The following ZNF407 variants were observed in gnomAD, a reference collection of about 807,000 sequenced individuals.
ZNF407 encodes zinc finger protein 407.
Under a neutral mutation model 131.2 loss-of-function variants are expected in ZNF407, and 17 were observed. The ratio of observed to expected loss-of-function variants is 0.13; its 90% confidence interval spans 0.09 to 0.19. ZNF407 has a LOEUF of 0.19. ZNF407 is among the 10% of genes least tolerant of loss of function. ZNF407 has a pLI of 1.00. For missense variants in ZNF407, 2,681 were observed against 2,830.6 expected (o/e 0.95, Z 1.20); for synonymous variants, 1,156 against 1,062.0 (o/e 1.09, Z -1.72).
intron 4 of ZNF407, among the ~76,000 whole-genome samples, chr18:74,869,268 C>G (rs1426015): frequency 6.6e-6 from 1 of 152,080 alleles, no homozygotes; most frequent in South Asian, 2.1e-4. Context: ...TTTACCTAAC[C>G]TGAAGCAATA....
At chr18:74,707,889 A>C (rs1385047153) in intron 3 of ZNF407, among the ~76,000 whole-genome samples, 1 of 152,226 alleles carries the variant, frequency 6.6e-6, no homozygotes, top group Non-Finnish European at 1.5e-5. Flanking sequence ...AATTTTAGTG[A>C]TGTAAATTAT....
chr18:74,902,329 G>A (rs1181647058), intron 7 of ZNF407, among the ~76,000 whole-genome samples: 2 of 152,210 alleles, frequency 1.3e-5, no homozygotes, highest in African/African-American at 4.8e-5. Flanking sequence ...TCGAGTCCTT[G>A]TCACTCGTGG....
In ZNF407 at chr18:74,631,207, T is replaced by C. The variant is rs1984050764; in HGVS notation, c.188T>C (p.Val63Ala). The C allele has an allele frequency of 6.2e-7, 1 of 1,613,876 alleles. No homozygotes were observed. The highest frequency in any genetic ancestry group is 1.7e-5 in the Admixed American group (1 of 60,008). Residue 63 changes from valine (V) to alanine (A), a missense_variant, in exon 2 of 9, where the codon GTT becomes GCT. Physicochemically the swap from Val to Ala is moderately conservative, Grantham distance 64 (BLOSUM62 0). Transcript: ENST00000299687. ...FSESSNSDSV[V>A]IGEDRNKHAS... ...GAATCATCGAACTCTGATAGTGTTG[T>C]TATAGGAGAAGACAGAAATAAACAT... is the stretch of plus-strand genomic sequence containing the variant.
At chr18:75,013,314 ATTG>A (rs1973004939) in intron 8 of ZNF407, among the ~76,000 whole-genome samples, 2 of 152,220 alleles carry the variant, frequency 1.3e-5, no homozygotes, top group South Asian at 2.1e-4. Flanking sequence ...CACAGCAGGA[ATTG>A]TTGTAGATCC....
chr18:74,719,317 T>A (rs1335642188), intron 3 of ZNF407, among the ~76,000 whole-genome samples: 1 of 152,186 alleles, frequency 6.6e-6, no homozygotes, highest in Non-Finnish European at 1.5e-5. Context: ...AACACATCTC[T>A]CCCTATTCCT....
intron 3 of ZNF407, among the ~76,000 whole-genome samples, chr18:74,748,940 A>AGAT (rs1296488886): frequency 2.6e-5 from 4 of 152,170 alleles, no homozygotes; most frequent in Admixed American, 1.3e-4. Context: ...GTGGAGTTCT[A>AGAT]GATGAGGTCT....
At chr18:75,001,351 G>A (rs962962715) in intron 8 of ZNF407, among the ~76,000 whole-genome samples, 6 of 152,116 alleles carry the variant, frequency 3.9e-5, no homozygotes, top group African/African-American at 1.2e-4. Flanking sequence ...AAACCTTAAG[G>A]TTTTATTTTG....
chr18:74,993,697 G>A (rs764237760), intron 8 of ZNF407, among the ~76,000 whole-genome samples: 6 of 152,192 alleles, frequency 3.9e-5, no homozygotes, highest in Non-Finnish European at 2.9e-5. Flanking sequence ...AATACGCAGC[G>A]ATTAAGTAAT....
At chr18:74,852,144 C>T (rs1395589186) in intron 4 of ZNF407, among the ~76,000 whole-genome samples, 1 of 150,710 alleles carries the variant, frequency 6.6e-6, no homozygotes, top group East Asian at 2.0e-4. Context: ...CTGTGTTTAT[C>T]TGTATGCATG....
intron 8 of ZNF407, among the ~76,000 whole-genome samples, chr18:74,974,531 A>G (rs904884263): frequency 1.3e-5 from 2 of 152,256 alleles, no homozygotes; most frequent in South Asian, 2.1e-4. Context: ...CATGCTAAAT[A>G]TGAAACTGTC....
intron 3 of ZNF407, among the ~76,000 whole-genome samples, chr18:74,642,887 A>T (rs1246640629): frequency 6.6e-6 from 1 of 152,156 alleles, no homozygotes; most frequent in African/African-American, 2.4e-5. Flanking sequence ...TCATCAGACT[A>T]GGAAATAATT....
intron 7 of ZNF407, among the ~76,000 whole-genome samples, chr18:74,908,464 A>C (rs571900169): frequency 1.5e-5 from 2 of 136,062 alleles, no homozygotes; most frequent in East Asian, 4.4e-4. Flanking sequence ...CTAATTGATG[A>C]AATGACATCT....
At chr18:74,797,739 G>C (rs2145063031) in intron 4 of ZNF407, among the ~76,000 whole-genome samples, 1 of 152,206 alleles carries the variant, frequency 6.6e-6, no homozygotes, top group South Asian at 2.1e-4. Flanking sequence ...TGAGCCAGTG[G>C]CTAGCTGAAA....
intron 8 of ZNF407, among the ~76,000 whole-genome samples, chr18:75,017,374 G>A (rs1973056898): frequency 6.6e-6 from 1 of 152,066 alleles, no homozygotes; most frequent in East Asian, 1.9e-4. Context: ...GTCAGCTTAA[G>A]GAAAGTGTGG....
chr18:75,063,763 C>A lies in ZNF407; in HGVS notation c.6042C>A (p.Pro2014=). 6.2e-7 allele frequency: 1 copy of A among 1,611,208 alleles called. No homozygotes were observed. The part of the protein sequence containing the change: ...GRAGLEEQGR[P]GAKDVLIQLP... Reference sequence around the variant, plus strand: ...CTGGGCTCGAGGAGCAAGGCAGGCCCGGCGCCAAAGACGTGCTGATCCAGC... The same window carrying A: ...CTGGGCTCGAGGAGCAAGGCAGGCCAGGCGCCAAAGACGTGCTGATCCAGC... The change falls in exon 9 of 9, where the codon CCC becomes CCA. Residue 2014 remains proline, a synonymous_variant. Coordinates refer to ENST00000299687, the MANE Select transcript of ZNF407 (RefSeq NM_017757.3). This position sits in a 1 kb window ranked among gnomAD's most constrained non-coding sequence, Gnocchi z 6.6.
At chr18:74,851,154 C>T (rs977995650) in intron 4 of ZNF407, among the ~76,000 whole-genome samples, 21 of 152,158 alleles carry the variant, frequency 1.4e-4, no homozygotes, top group African/African-American at 4.6e-4. Context: ...GCAGTGATAT[C>T]GTAATAGGAC....
intron 3 of ZNF407, among the ~76,000 whole-genome samples, chr18:74,658,912 A>T (rs1325543919): frequency 2.6e-5 from 4 of 152,192 alleles, no homozygotes; most frequent in African/African-American, 9.6e-5. Flanking sequence ...GAAGGAATTT[A>T]AAACATTATA....
intron 1 of ZNF407, among the ~76,000 whole-genome samples, chr18:74,621,836 A>C (rs1231140359): frequency 1.3e-5 from 2 of 152,154 alleles, no homozygotes; most frequent in Non-Finnish European, 2.9e-5. Context: ...CAATTTTACA[A>C]ACATGTAAAT....
chr18:75,053,862 T>TGGCCCTGTGTCCTCCCC (rs1478217453), intron 8 of ZNF407, among the ~76,000 whole-genome samples: 3 of 152,238 alleles, frequency 2.0e-5, no homozygotes, highest in Admixed American at 2.0e-4. Flanking sequence ...CTCACCTTCA[T>TGGCCCTGTGTCCTCCCC]GGCCCTGTGT....
Sources: gnomAD v4.1 joint callset for allele counts (sites outside exome capture counted in the v4.1 genomes callset) on GRCh38, gnomAD v4.1.1 for gene constraint, Gnocchi (gnomAD v3.1) non-coding constraint, MANE v1.5 for transcripts, NCBI Gene and HGNC (gene_info 2026-07-23, HGNC 2026-07-21) for gene names.